Variants in SEL1L3 observed in about 807,000 individuals in gnomAD.
SEL1L3 encodes the protein SEL1L family member 3.
In SEL1L3, 76 loss-of-function variants were observed where a neutral mutation model predicts 142.8. The ratio of observed to expected loss-of-function variants is 0.53; its 90% CI spans 0.44 to 0.64. SEL1L3 has a LOEUF of 0.64. Among genes scored for constraint, SEL1L3 ranks in the 30% least tolerant of loss-of-function variants. SEL1L3 has a pLI of 0.00. For synonymous variants in SEL1L3, 504 were observed against 519.6 expected, an observed-to-expected ratio of 0.97 and a Z score of 0.41; for missense variants, 1,262 against 1,381.7, an observed-to-expected ratio of 0.91 and a Z score of 1.37.
chr4:25,755,282 T>TTTTA (rs1318222023), intron 23 of SEL1L3, among the ~76,000 whole-genome samples: 2 of 140,590 alleles, frequency 1.4e-5, no homozygotes, highest in Non-Finnish European at 3.1e-5. Context: ...TTTTATTTTA[T>TTTTA]TTTAGAAATG....
chr4:25,726,780 T>G, the SEL1L3 span, among the ~76,000 whole-genome samples: 1 of 97,534 alleles, frequency 1.0e-5, no homozygotes, highest in Non-Finnish European at 2.2e-5. Flanking sequence ...TAAGTACTAT[T>G]TTTTCGCCTA....
chr4:25,768,704 G>C (rs1050711212), intron 17 of SEL1L3, among the ~76,000 whole-genome samples: 1 of 152,176 alleles, frequency 6.6e-6, no homozygotes, highest in African/African-American at 2.4e-5. Context: ...TCAGAGACTA[G>C]TGAAATTAAC....
chr4:25,810,984 C>G (rs1160552755), intron 9 of SEL1L3, among the ~76,000 whole-genome samples: 4 of 152,140 alleles, frequency 2.6e-5, no homozygotes, highest in South Asian at 2.1e-4. Flanking sequence ...TGTCTTATAC[C>G]AGGTTAGCGC....
chr4:25,786,366 C>T (rs1405297886), intron 13 of SEL1L3, among the ~76,000 whole-genome samples: 2 of 152,126 alleles, frequency 1.3e-5, no homozygotes, highest in Non-Finnish European at 1.5e-5. Context: ...GGCTTCCTTC[C>T]TCCCACCCAG....
At chr4:25,801,035 C>T (rs1713149332) in intron 11 of SEL1L3, among the ~76,000 whole-genome samples, 1 of 152,228 alleles carries the variant, frequency 6.6e-6, no homozygotes. Context: ...GTCAGCCACG[C>T]AGCCTAAAAT....
chr4:25,725,822 G>T, the SEL1L3 span, among the ~76,000 whole-genome samples: 1 of 152,134 alleles, frequency 6.6e-6, no homozygotes, highest in African/African-American at 2.4e-5. Context: ...GCACTGGTGG[G>T]AGTGTCTTTT....
At chr4:25,740,160 A>C in the SEL1L3 span, among the ~76,000 whole-genome samples, 1 of 149,388 alleles carries the variant, frequency 6.7e-6, no homozygotes, top group East Asian at 2.1e-4. Flanking sequence ...GTGGCCGGGC[A>C]TGGTGGCTCA....
downstream of SEL1L3, among the ~76,000 whole-genome samples, chr4:25,746,206 T>TA (rs911810861): frequency 6.6e-6 from 1 of 151,718 alleles, no homozygotes; most frequent in Admixed American, 6.6e-5. Flanking sequence ...GCAAAAAATA[T>TA]AAAAAATAAA....
In SEL1L3 at chr4:25,782,305, C is replaced by T. The variant is rs775406147; in HGVS notation, c.2394G>A (p.Ala798=). 162 of 1,613,908 alleles carry T rather than the reference C, an allele frequency of 1.0e-4. 1 individual carries two copies. The East Asian group carries it at 1.1e-3, about 11-fold the overall frequency. ...LKAEEMGNPD[A]SYNLGVLHLD... ...AATGCAGGACTCCAAGATTGTATGA[C>T]GCATCTGGGTTCCCCATTTCTTCTG... Residue 798 remains alanine, a synonymous_variant, in exon 15 of 24, where the codon GCG becomes GCA. Coordinates refer to ENST00000399878, the MANE Select transcript of SEL1L3 (RefSeq NM_015187.5).
the SEL1L3 span, among the ~76,000 whole-genome samples, chr4:25,740,811 A>G: frequency 1.3e-5 from 2 of 151,984 alleles, no homozygotes; most frequent in South Asian, 4.2e-4. Context: ...CTGAGATAAG[A>G]GTCTTGCTCT....
At chr4:25,791,487 A>C (rs1712332050) in intron 11 of SEL1L3, among the ~76,000 whole-genome samples, 1 of 152,250 alleles carries the variant, frequency 6.6e-6, no homozygotes, top group Non-Finnish European at 1.5e-5. Flanking sequence ...CTCTTTATAC[A>C]TAATGAAGTC....
At chr4:25,753,069 C>G (rs4697612) in intron 23 of SEL1L3, among the ~76,000 whole-genome samples, 107,998 of 152,222 alleles carry the variant, frequency 0.71, 38,778 homozygotes, top group East Asian at 0.96. Context: ...TAGCTAGCTA[C>G]TGGCAGGGCC....
intron 13 of SEL1L3, among the ~76,000 whole-genome samples, chr4:25,787,040 A>G (rs1711894361): frequency 6.6e-6 from 1 of 152,198 alleles, no homozygotes; most frequent in South Asian, 2.1e-4. Context: ...ACCAAAGCCA[A>G]AGCTTTTTAC....
the SEL1L3 span, among the ~76,000 whole-genome samples, chr4:25,736,637 C>T: frequency 6.6e-6 from 1 of 152,142 alleles, no homozygotes; most frequent in East Asian, 1.9e-4. Context: ...AATTGTTGGG[C>T]ATGATATTTT....
At chr4:25,771,606 C>G (rs975723257) in intron 17 of SEL1L3, among the ~76,000 whole-genome samples, 3 of 152,064 alleles carry the variant, frequency 2.0e-5, no homozygotes, top group African/African-American at 7.2e-5. Context: ...AATTCAGGAC[C>G]CCAGCTCTAT....
intron 13 of SEL1L3, among the ~76,000 whole-genome samples, chr4:25,784,574 T>C (rs991147460): frequency 6.6e-6 from 1 of 152,178 alleles, no homozygotes; most frequent in Non-Finnish European, 1.5e-5. Flanking sequence ...TGGGGGAAGA[T>C]ATGAATCAGG....
At chr4:25,720,286 AAGG>A in the SEL1L3 span, 1 of 152,154 alleles carries the variant, frequency 6.6e-6, no homozygotes, top group Non-Finnish European at 1.5e-5. Flanking sequence ...GAAGAATTTT[AAGG>A]AGAAGGGGAA....
intron 14 of SEL1L3, 39 bp downstream of exon 14, chr4:25,784,189 T>G: frequency 6.7e-7 from 1 of 1,485,868 alleles, no homozygotes; most frequent in Non-Finnish European, 9.4e-7. Context: ...TGGGAGTGTG[T>G]GGTGGAACTG....
chr4:25,841,789 A>G (rs1405574315), intron 2 of SEL1L3, among the ~76,000 whole-genome samples: 1 of 152,098 alleles, frequency 6.6e-6, no homozygotes, highest in East Asian at 1.9e-4. Context: ...GCGAAACACC[A>G]TCTCTACTGA....
Sources: allele counts gnomAD v4.1 joint callset (sites outside exome capture counted in the v4.1 genomes callset), GRCh38; gene constraint gnomAD v4.1.1; transcripts MANE v1.5; gene names NCBI Gene and HGNC (gene_info 2026-07-23, HGNC 2026-07-21).